The following AFF2 variants were observed in gnomAD, a reference collection of about 807,000 sequenced individuals.
AFF2 encodes the protein ALF transcription elongation factor 2, also known as AF4/FMR2 family member 2.
AFF2 carries 14 observed loss-of-function variants against 76.9 expected under a neutral mutation model. That is an observed-to-expected ratio of 0.18 (90% CI 0.12 to 0.28). The LOEUF (loss-of-function observed/expected upper bound fraction) is 0.28. Ranked by LOEUF, AFF2 falls within the 10% of genes least tolerant of loss-of-function variation. The pLI is 1.00. For synonymous variants in AFF2, 398 were observed against 366.7 expected (o/e 1.09, Z -0.98); for missense variants, 868 against 1,001.1 (o/e 0.87, Z 1.79).
intron 1 of AFF2, among the ~76,000 whole-genome samples, chrX:148,642,176 G>A (rs1184621425): frequency 4.5e-5 from 5 of 112,042 alleles, no homozygotes; most frequent in Non-Finnish European, 9.4e-5. Context: ...CTGCAGGAGT[G>A]CATGGTAGAA....
At chrX:148,655,479 T>C (rs1557256957) in intron 2 of AFF2, among the ~76,000 whole-genome samples, 1 of 110,803 alleles carries the variant, frequency 9.0e-6, no homozygotes, top group African/African-American at 3.3e-5. Flanking sequence ...TTTCACCATG[T>C]TGGCAAGGCT....
rs782129185 is a variant in AFF2, at chrX:148,699,307, C to A, written c.1041+36539C>A. Among the ~76,000 whole-genome samples the A allele has an allele frequency of 1.7e-4, 19 of 112,531 alleles. No homozygotes were observed. In the East Asian group the frequency reaches 3.9e-3, roughly 23 times the overall value. ...GGAAGTGCGCATAGGTATACCTGCACATGCATGCATTCACACATACACTCA... is the reference window on the plus strand; with the variant it reads ...GGAAGTGCGCATAGGTATACCTGCAAATGCATGCATTCACACATACACTCA... On this transcript the variant is annotated intron_variant, in intron 3 of 20. Transcript: ENST00000370460.
At chrX:148,617,400 GCCCA>G (rs1436774124) in intron 1 of AFF2, among the ~76,000 whole-genome samples, 16 of 111,749 alleles carry the variant, frequency 1.4e-4, no homozygotes, top group African/African-American at 5.2e-4. Context: ...CATATCCTTC[GCCCA>G]CTTTTTGATG....
At chrX:148,643,784 G>A (rs1457692484) in intron 1 of AFF2, among the ~76,000 whole-genome samples, 1 of 111,628 alleles carries the variant, frequency 9.0e-6, no homozygotes, top group African/African-American at 3.3e-5. Context: ...GAGAAGCGAA[G>A]TAACATTTGT....
At chrX:148,544,679 A>G (rs958767488) in intron 1 of AFF2, among the ~76,000 whole-genome samples, 3 of 112,095 alleles carry the variant, frequency 2.7e-5, no homozygotes, top group Non-Finnish European at 5.6e-5. Flanking sequence ...GGCTTTCTCA[A>G]CTGTCATGCC....
chrX:148,681,070 G>A (rs1297587360), intron 3 of AFF2, among the ~76,000 whole-genome samples: 1 of 111,710 alleles, frequency 9.0e-6, no homozygotes, highest in Non-Finnish European at 1.9e-5. Context: ...AACTTGCTTT[G>A]GAAAGGGATA....
At chrX:148,912,813 C>T (rs996514075) in intron 9 of AFF2, among the ~76,000 whole-genome samples, 2 of 111,231 alleles carry the variant, frequency 1.8e-5, no homozygotes, top group African/African-American at 3.3e-5. Context: ...TGGGTCCCAC[C>T]GAGTGAGATA....
intron 1 of AFF2, among the ~76,000 whole-genome samples, chrX:148,637,700 T>G (rs2054046591): frequency 8.9e-6 from 1 of 112,432 alleles, no homozygotes; most frequent in Non-Finnish European, 1.9e-5. Flanking sequence ...ATGCTATATT[T>G]AATATTTTTT....
intron 1 of AFF2, among the ~76,000 whole-genome samples, chrX:148,536,983 T>C (rs1011293288): frequency 5.1e-4 from 57 of 112,709 alleles, no homozygotes; most frequent in African/African-American, 1.6e-3. Context: ...AAACAATTTA[T>C]TGGTAAAGTC....
rs1251299836 is a variant in AFF2, at chrX:148,679,661, A to G, written c.1041+16893A>G. Among the ~76,000 whole-genome samples, 19 of 111,812 alleles carry G rather than the reference A, an allele frequency of 1.7e-4. No individual in the cohort carries two copies. In the Admixed American group the frequency reaches 1.7e-3, roughly 10 times the overall value. On this transcript the variant is annotated intron_variant, in intron 3 of 20. Transcript: ENST00000370460. ...AATCTTGAGAAATGGAAGGCCACTG[A>G]CAGAATTACTTCCCAGATGAGCAGA...
chrX:148,677,520 T>A (rs994203292), intron 3 of AFF2, among the ~76,000 whole-genome samples: 5 of 112,475 alleles, frequency 4.4e-5, no homozygotes, highest in African/African-American at 9.7e-5. Flanking sequence ...TGCTGAATAT[T>A]TTCTTAGAAA....
rs782427620 is a variant in AFF2, at chrX:148,869,950, C to T, written c.1263-15939C>T. The stretch of plus-strand genomic sequence containing the variant: ...GGATTAGGGATCACCGTAAGGACCT[C>T]AAGACCTTATCTCCAAATAAGACCA... On this transcript the variant is annotated intron_variant, in intron 7 of 20. Transcript: ENST00000370460. Among the ~76,000 whole-genome samples the T allele has an allele frequency of 7.2e-5, 8 of 111,504 alleles. No homozygotes were observed. The East Asian group carries it at 2.3e-3, about 32-fold the overall frequency.
chrX:148,591,819 G>A (rs1233944972), intron 1 of AFF2, among the ~76,000 whole-genome samples: 2 of 112,149 alleles, frequency 1.8e-5, no homozygotes, highest in East Asian at 2.8e-4. Context: ...TTGGACAATT[G>A]TTGCAAAACC....
At chrX:148,792,490 T>G (rs1403696910) in intron 3 of AFF2, among the ~76,000 whole-genome samples, 12 of 112,938 alleles carry the variant, frequency 1.1e-4, no homozygotes, top group African/African-American at 3.2e-4. Flanking sequence ...TTCTTATGAC[T>G]GTTTTAACAC....
chrX:148,906,588 C>A, intron 9 of AFF2, among the ~76,000 whole-genome samples: 1 of 112,083 alleles, frequency 8.9e-6, no homozygotes, highest in Non-Finnish European at 1.9e-5. Context: ...TCATCTATCG[C>A]CTGAGAGCAC....
At chrX:148,944,026 G>T (rs1263458956) in intron 9 of AFF2, among the ~76,000 whole-genome samples, 2 of 112,130 alleles carry the variant, frequency 1.8e-5, no homozygotes, top group Non-Finnish European at 3.8e-5. Context: ...TGAGCAGCAG[G>T]TCTAAGTACA....
At chrX:148,850,942 C>A (rs2070724939) in intron 7 of AFF2, among the ~76,000 whole-genome samples, 1 of 112,126 alleles carries the variant, frequency 8.9e-6, no homozygotes, top group Non-Finnish European at 1.9e-5. Flanking sequence ...CTTCCAGGCC[C>A]AGATGAAGAA....
intron 2 of AFF2, among the ~76,000 whole-genome samples, chrX:148,655,514 G>A (rs782635176): frequency 1.8e-5 from 2 of 111,526 alleles, no homozygotes; most frequent in African/African-American, 6.5e-5. Context: ...GGCCTCAGGT[G>A]ATTGCCCACC....
intron 3 of AFF2, among the ~76,000 whole-genome samples, chrX:148,715,508 G>A (rs1179207197): frequency 9.0e-6 from 1 of 111,278 alleles, no homozygotes; most frequent in Non-Finnish European, 1.9e-5. Flanking sequence ...GTTGCTGCCA[G>A]ACTTGACCTC....
Sources: gnomAD v4.1 joint callset for allele counts (sites outside exome capture counted in the v4.1 genomes callset) on GRCh38, gnomAD v4.1.1 for gene constraint, MANE v1.5 for transcripts, NCBI Gene and HGNC (gene_info 2026-07-23, HGNC 2026-07-21) for gene names.